SIPA1L2: variants seen among roughly 807,000 people sequenced by gnomAD.
The protein encoded by SIPA1L2 is signal-induced proliferation-associated 1-like protein 2.
SIPA1L2 carries 56 observed loss-of-function variants against 163.9 expected under a neutral mutation model. That is an observed-to-expected ratio of 0.34 (90% CI 0.28 to 0.43). The LOEUF is 0.43. Ranked by LOEUF, SIPA1L2 falls within the 20% of genes least tolerant of loss-of-function variation. The pLI, the probability that SIPA1L2 is intolerant of heterozygous loss-of-function variation, is 1.00. For missense variants in SIPA1L2, 1,974 were observed against 2,193.5 expected (o/e 0.90, Z 2.00); for synonymous variants, 877 against 865.7 (o/e 1.01, Z -0.23).
At chr1:232,430,005 C>G (rs1270024781) in intron 16 of SIPA1L2, among the ~76,000 whole-genome samples, 5 of 152,208 alleles carry the variant, frequency 3.3e-5, no homozygotes, top group African/African-American at 9.7e-5. Context: ...TAAAAAAACA[C>G]TAGCTTTCTC....
chr1:232,456,501 CA>C (rs898096251), intron 10 of SIPA1L2, among the ~76,000 whole-genome samples: 4 of 151,944 alleles, frequency 2.6e-5, no homozygotes, highest in African/African-American at 7.3e-5. Flanking sequence ...AAAAAAATCA[CA>C]AAAAAACAGA....
intron 5 of SIPA1L2, among the ~76,000 whole-genome samples, chr1:232,487,161 T>A (rs1470716749): frequency 1.3e-5 from 2 of 152,322 alleles, no homozygotes; most frequent in South Asian, 2.1e-4. Flanking sequence ...CAGCAGAGGA[T>A]CCAACCCACG....
Position 232,464,904 on chromosome 1 carries a change from C to T in SIPA1L2, c.2756G>A (p.Cys919Tyr). 1 of 1,614,084 alleles carries T rather than the reference C, an allele frequency of 6.2e-7. No individual in the cohort carries two copies. The highest frequency in any genetic ancestry group is 8.5e-7 in the Non-Finnish European group (1 of 1,179,952). Residue 919 changes from cysteine to tyrosine, a missense_variant, in exon 9 of 23, where the codon TGT (cysteine) becomes TAT (tyrosine). By Grantham distance (194) the Cys-to-Tyr change is radical. Transcript: ENST00000674635. ...GTTGTCTACCGAGGACAGGAGGACA[C>T]ATTCTCCTCTTTCGTAAAACACTTT... ...SIKVFYERGE[C>Y]VLLSSVDNCA...
chr1:232,497,365 G>A (rs1456519383), intron 3 of SIPA1L2, among the ~76,000 whole-genome samples: 1 of 149,124 alleles, frequency 6.7e-6, no homozygotes, highest in African/African-American at 2.5e-5. Flanking sequence ...TCGATGGGGG[G>A]AAGGGCCAGT....
intron 2 of SIPA1L2, among the ~76,000 whole-genome samples, chr1:232,518,441 C>T (rs1667307844): frequency 6.6e-6 from 1 of 152,166 alleles, no homozygotes. Flanking sequence ...CTCCTTGTAA[C>T]TCCTCCCCTG....
At chr1:232,423,636 TAAA>T (rs1189838541) in intron 18 of SIPA1L2, among the ~76,000 whole-genome samples, 3 of 152,148 alleles carry the variant, frequency 2.0e-5, no homozygotes, top group Admixed American at 6.5e-5. Flanking sequence ...TCTAGAGAAG[TAAA>T]AATGAAGACA....
intron 19 of SIPA1L2, among the ~76,000 whole-genome samples, chr1:232,414,520 G>T (rs1303957539): frequency 6.6e-6 from 1 of 152,208 alleles, no homozygotes; most frequent in Non-Finnish European, 1.5e-5. Context: ...GAAGGGAAAA[G>T]AAATGGGGAG....
At position 232,625,033 on chromosome 1, in the gene SIPA1L2, G is replaced by T. The variant is rs77131607; in HGVS notation, c.-319+4836C>A. Among the ~76,000 whole-genome samples the T allele has an allele frequency of 1.2e-3, 178 of 152,266 alleles. 2 individuals carry two copies. The highest frequency in any genetic ancestry group is 3.8e-3 in the African/African-American group (159 of 41,548). ...ATTTAACACATTTTCTTAATCATAT[G>T]CAGAAGAGAGTGCTCGTTACTAGGG... On this transcript the variant is annotated intron_variant, in intron 1 of 22. Coordinates refer to ENST00000674635, the MANE Select transcript of SIPA1L2 (RefSeq NM_020808.5).
intron 1 of SIPA1L2, among the ~76,000 whole-genome samples, chr1:232,589,981 C>T (rs1372705353): frequency 6.6e-6 from 1 of 152,208 alleles, no homozygotes; most frequent in Non-Finnish European, 1.5e-5. Context: ...ACCATCCAGC[C>T]AAGGAGGACG....
At chr1:232,538,912 T>C (rs1452342856) in intron 2 of SIPA1L2, among the ~76,000 whole-genome samples, 1 of 152,242 alleles carries the variant, frequency 6.6e-6, no homozygotes, top group Non-Finnish European at 1.5e-5. Flanking sequence ...TATCATGTTC[T>C]TTTTTCTATT....
intron 1 of SIPA1L2, among the ~76,000 whole-genome samples, chr1:232,576,000 C>A (rs79424690): frequency 6.6e-6 from 1 of 152,082 alleles, no homozygotes; most frequent in Non-Finnish European, 1.5e-5. Flanking sequence ...GAAAGTACAA[C>A]GGTGGCTGCC....
intron 22 of SIPA1L2, 95 bp downstream of exon 22, chr1:232,402,297 T>C: frequency 8.8e-7 from 1 of 1,136,228 alleles, no homozygotes; most frequent in Non-Finnish European, 1.2e-6. Flanking sequence ...GTAAGGCAGT[T>C]TTCTTTCCTG....
At chr1:232,511,361 G>A (rs1666972319) in intron 3 of SIPA1L2, among the ~76,000 whole-genome samples, 1 of 152,208 alleles carries the variant, frequency 6.6e-6, no homozygotes, top group South Asian at 2.1e-4. Flanking sequence ...TATGTCATCA[G>A]TATGAGGACA....
chr1:232,558,421 G>A (rs548355282), intron 2 of SIPA1L2, among the ~76,000 whole-genome samples: 5 of 152,274 alleles, frequency 3.3e-5, no homozygotes, highest in South Asian at 4.2e-4. Context: ...CCCCGGCCAC[G>A]GTTCTGATGG....
intron 6 of SIPA1L2, among the ~76,000 whole-genome samples, chr1:232,483,162 T>C (rs947730450): frequency 6.6e-6 from 1 of 152,122 alleles, no homozygotes; most frequent in Non-Finnish European, 1.5e-5. Context: ...ATGTTTTGGA[T>C]TGGTCAGTCA....
intron 2 of SIPA1L2, among the ~76,000 whole-genome samples, chr1:232,524,483 A>T (rs1461070119): frequency 4.6e-5 from 7 of 152,206 alleles, no homozygotes; most frequent in South Asian, 2.1e-4. Flanking sequence ...ATTAAGTCCT[A>T]TAAAATGTTC....
chr1:232,515,299 A>G lies in SIPA1L2; in HGVS notation c.41T>C (p.Leu14Pro), dbSNP rs1177103368. The G allele has an allele frequency of 1.9e-6, 3 of 1,610,170 alleles. No individual in the cohort carries two copies. In the African/African-American group the frequency reaches 4.0e-5, roughly 22 times the overall value. The stretch of plus-strand genomic sequence containing the variant: ...CTTGAACTTTGAAGAGGCTCTGCCT[A>G]GCTTGTGCTTCTCTTCTTGTGACTG... Reference protein sequence around the residue: ...PRQSQEEKHKLGRASSKFKDP... With the variant: ...PRQSQEEKHKPGRASSKFKDP... Residue 14 changes from leucine to proline, a missense_variant, in exon 3 of 23, where the codon CTA becomes CCA. Physicochemically the swap from Leu to Pro is moderately conservative, Grantham distance 98 (BLOSUM62 -3). Coordinates refer to ENST00000674635, the MANE Select transcript of SIPA1L2 (RefSeq NM_020808.5).
intron 2 of SIPA1L2, among the ~76,000 whole-genome samples, chr1:232,522,973 GCTGATT>G (rs1331310565): frequency 6.6e-6 from 1 of 152,230 alleles, no homozygotes; most frequent in African/African-American, 2.4e-5. Context: ...CAGTGTTTAA[GCTGATT>G]CTCCAAGAGG....
At chr1:232,423,768 C>T (rs953228303) in intron 18 of SIPA1L2, among the ~76,000 whole-genome samples, 1 of 152,130 alleles carries the variant, frequency 6.6e-6, no homozygotes, top group African/African-American at 2.4e-5. Flanking sequence ...AAACAAACTA[C>T]GGTACATCTA....
Sources: gnomAD v4.1 joint callset for allele counts (sites outside exome capture counted in the v4.1 genomes callset) on GRCh38, gnomAD v4.1.1 for gene constraint, MANE v1.5 for transcripts, NCBI Gene and HGNC (gene_info 2026-07-23, HGNC 2026-07-21) for gene names.